Variants in ESR1 observed in about 807,000 individuals in gnomAD.
ESR1 encodes estrogen receptor 1, also known as estrogen receptor.
A neutral mutation model predicts 52.7 loss-of-function variants in ESR1; 12 were observed. The ratio of observed to expected loss-of-function variants is 0.23; its 90% CI spans 0.15 to 0.37. The LOEUF (loss-of-function observed/expected upper bound fraction) is 0.37. ESR1 is among the 10% of genes least tolerant of loss of function. The probability of loss-of-function intolerance (pLI) is 1.00; values close to 1 mark genes in which losing one functional copy is unlikely to be tolerated. For synonymous variants in ESR1, 305 were observed against 316.8 expected (o/e 0.96, Z 0.39); for missense variants, 584 against 779.7 (o/e 0.75, Z 2.99).
intron 2 of ESR1, among the ~76,000 whole-genome samples, chr6:151,847,006 G>A (rs1171335550): frequency 1.3e-5 from 2 of 152,136 alleles, no homozygotes; most frequent in African/African-American, 2.4e-5. Flanking sequence ...GGGGGCTCAG[G>A]CCTACCTATA....
chr6:151,657,705 G>A (rs1051133349), intron 1 of ESR1, among the ~76,000 whole-genome samples: 4 of 152,130 alleles, frequency 2.6e-5, no homozygotes, highest in Admixed American at 6.5e-5. Flanking sequence ...AGGAATTAGC[G>A]TGAGTCCAGA....
At chr6:151,988,111 G>A (rs2040665706) in intron 4 of ESR1, among the ~76,000 whole-genome samples, 1 of 151,998 alleles carries the variant, frequency 6.6e-6, no homozygotes, top group Non-Finnish European at 1.5e-5. Flanking sequence ...GATGATTCAG[G>A]TACATTACAT....
chr6:151,964,707 T>C (rs534373339), intron 4 of ESR1, among the ~76,000 whole-genome samples: 2 of 151,914 alleles, frequency 1.3e-5, no homozygotes, highest in East Asian at 3.9e-4. Flanking sequence ...AGTGGTGCGA[T>C]CTCCACTCAC....
chr6:151,898,442 C>T (rs1418474969), intron 3 of ESR1, among the ~76,000 whole-genome samples: 2 of 133,144 alleles, frequency 1.5e-5, no homozygotes, highest in Admixed American at 8.4e-5. Flanking sequence ...GGGTGTTTCT[C>T]GCAGAGGGGG....
chr6:151,998,880 A>C (rs1214340263), intron 4 of ESR1, among the ~76,000 whole-genome samples: 1 of 152,056 alleles, frequency 6.6e-6, no homozygotes, highest in Non-Finnish European at 1.5e-5. Context: ...TTTGCCATGG[A>C]TTCCTAGTCC....
intron 2 of ESR1, among the ~76,000 whole-genome samples, chr6:151,737,405 T>C (rs1782762067): frequency 6.6e-6 from 1 of 152,206 alleles, no homozygotes; most frequent in South Asian, 2.1e-4. Flanking sequence ...AGTTTTTATT[T>C]TTCTGGATAC....
At chr6:151,985,533 A>G (rs11155826) in intron 4 of ESR1, among the ~76,000 whole-genome samples, 1 of 105,438 alleles carries the variant, frequency 9.5e-6, no homozygotes, top group Non-Finnish European at 1.8e-5. Context: ...AAAAAAAAAA[A>G]CACAAACAAA....
intron 2 of ESR1, among the ~76,000 whole-genome samples, chr6:151,875,069 C>T (rs1044886038): frequency 6.6e-6 from 1 of 152,138 alleles, no homozygotes; most frequent in African/African-American, 2.4e-5. Context: ...TTCTTTGGGG[C>T]AATCATGAAA....
At chr6:151,663,670 C>T (rs1777717167) in intron 1 of ESR1, among the ~76,000 whole-genome samples, 2 of 152,134 alleles carry the variant, frequency 1.3e-5, no homozygotes, top group Admixed American at 1.3e-4. Context: ...ACAGTGGCCC[C>T]ACAGAGTACG....
At chr6:152,027,909 C>T (rs1289331131) in intron 5 of ESR1, among the ~76,000 whole-genome samples, 11 of 151,842 alleles carry the variant, frequency 7.2e-5, no homozygotes, top group Admixed American at 5.2e-4. Context: ...TTTGGGAGGC[C>T]GAGGCGGGTA....
intron 4 of ESR1, among the ~76,000 whole-genome samples, chr6:151,970,429 AT>A (rs1394298694): frequency 3.3e-5 from 5 of 152,140 alleles, no homozygotes; most frequent in Non-Finnish European, 5.9e-5. Flanking sequence ...AGGGAAGCAA[AT>A]CCCTTCAAGG....
At chr6:151,807,581 T>G (rs943552850), upstream of ESR1, 3 of 471,156 alleles carry the variant, frequency 6.4e-6, no homozygotes, top group Non-Finnish European at 1.2e-5. Context: ...TTTAAGCCAA[T>G]GTCAGGGCAA....
intron 2 of ESR1, among the ~76,000 whole-genome samples, chr6:151,772,025 C>G (rs1353453883): frequency 2.0e-5 from 3 of 152,192 alleles, no homozygotes; most frequent in African/African-American, 7.2e-5. Context: ...AAATGAACAG[C>G]TCAACCTTCC....
At chr6:151,747,689 C>T (rs746310944) in intron 2 of ESR1, among the ~76,000 whole-genome samples, 2 of 152,164 alleles carry the variant, frequency 1.3e-5, no homozygotes, top group Non-Finnish European at 2.9e-5. Context: ...TTTCTGTCTC[C>T]ATGGAATCTA....
chr6:151,873,540 G>A (rs71575909), intron 2 of ESR1, among the ~76,000 whole-genome samples: 4,341 of 152,220 alleles, frequency 0.029, 80 homozygotes, highest in Middle Eastern at 0.061. Flanking sequence ...CTCAGGCCTG[G>A]GCAGTTGCTG....
At chr6:152,109,780 C>T (rs755919032) in intron 6 of ESR1, among the ~76,000 whole-genome samples, 1 of 152,186 alleles carries the variant, frequency 6.6e-6, no homozygotes, top group East Asian at 1.9e-4. Flanking sequence ...TCGTTCAAGA[C>T]AGAGATACAC....
At chr6:151,750,215 C>T (rs1035171895) in intron 2 of ESR1, among the ~76,000 whole-genome samples, 1 of 152,154 alleles carries the variant, frequency 6.6e-6, no homozygotes, top group African/African-American at 2.4e-5. Flanking sequence ...TCCACATTTA[C>T]AGGAATTGAA....
intron 1 of ESR1, among the ~76,000 whole-genome samples, chr6:151,682,439 A>G (rs1778497301): frequency 6.6e-6 from 1 of 152,242 alleles, no homozygotes; most frequent in Non-Finnish European, 1.5e-5. Flanking sequence ...GCACAACTTG[A>G]TAATTGCTGA....
chr6:151,892,082 G>A (rs1794778352), intron 3 of ESR1, among the ~76,000 whole-genome samples: 1 of 152,136 alleles, frequency 6.6e-6, no homozygotes, highest in Non-Finnish European at 1.5e-5. Context: ...TCAAATAGGA[G>A]TCCCAGCTAA....
Sources: allele counts gnomAD v4.1 joint callset (sites outside exome capture counted in the v4.1 genomes callset), GRCh38; gene constraint gnomAD v4.1.1; transcripts MANE v1.5; gene names NCBI Gene and HGNC (gene_info 2026-07-23, HGNC 2026-07-21).